VEZT: variants seen among roughly 807,000 people sequenced by gnomAD.
VEZT encodes the protein vezatin.
VEZT carries 39 observed loss-of-function variants against 79.9 expected under a neutral mutation model. That is an observed-to-expected ratio of 0.49 (90% confidence interval 0.38 to 0.64). The LOEUF is 0.64. VEZT is among the 30% of genes least tolerant of loss of function. VEZT has a pLI of 0.00. For missense variants in VEZT, 837 were observed against 893.1 expected, an observed-to-expected ratio of 0.94 and a Z score of 0.80; for synonymous variants, 325 against 327.6, an observed-to-expected ratio of 0.99 and a Z score of 0.09.
chr12:95,255,470 C>T (rs1437986829), intron 2 of VEZT, among the ~76,000 whole-genome samples: 1 of 152,190 alleles, frequency 6.6e-6, no homozygotes, highest in Non-Finnish European at 1.5e-5. Context: ...CTCGCGCTGT[C>T]GCCCAGCCTT....
chr12:95,217,904 G>T lies in VEZT; in HGVS notation c.36+18G>T. 6.6e-7 allele frequency: 1 copy of T among 1,505,776 alleles called. No homozygotes were observed. Among genetic ancestry groups the T allele is most frequent in the Middle Eastern group, 1.7e-4 (1 of 5,736 alleles). 93.3% of individuals were successfully genotyped at this position (1,505,776 alleles called of 1,614,324 possible). On this transcript the variant is annotated intron_variant, in intron 1 of 11. Coordinates refer to ENST00000436874, the MANE Select transcript of VEZT (RefSeq NM_017599.4). ...TTTTTGAGGTAAGAGGAAAATGGCG[G>T]TGGGTGTGGATTGCCTTTGTTTGAG...
chr12:95,298,515 C>G (rs993913445), intron 11 of VEZT, among the ~76,000 whole-genome samples: 1 of 152,068 alleles, frequency 6.6e-6, no homozygotes, highest in African/African-American at 2.4e-5. Context: ...AAATAGGGGC[C>G]TTATTATCCC....
At chr12:95,288,424 C>T (rs563517048) in intron 9 of VEZT, among the ~76,000 whole-genome samples, 84 of 152,122 alleles carry the variant, frequency 5.5e-4, no homozygotes, top group African/African-American at 2.0e-3. Context: ...TATGTGACTC[C>T]GATTTTATGC....
intron 1 of VEZT, chr12:95,245,441 T>C (rs2061587954): frequency 2.2e-6 from 1 of 452,262 alleles, no homozygotes; most frequent in African/African-American, 2.0e-5. Context: ...GAAAGCTTGA[T>C]GAACCGTGGT....
intron 2 of VEZT, among the ~76,000 whole-genome samples, chr12:95,256,003 A>C (rs1311790244): frequency 2.0e-5 from 3 of 151,788 alleles, no homozygotes; most frequent in African/African-American, 7.3e-5. Context: ...TCCCCATGAC[A>C]TGTGCTTTAA....
chr12:95,256,804 A>G (rs1162498707), intron 2 of VEZT, among the ~76,000 whole-genome samples: 1 of 152,216 alleles, frequency 6.6e-6, no homozygotes, highest in South Asian at 2.1e-4. Context: ...TCATGTTGAC[A>G]TAGTACATAG....
intron 1 of VEZT, among the ~76,000 whole-genome samples, chr12:95,232,407 C>A (rs1300999813): frequency 6.6e-6 from 1 of 152,156 alleles, no homozygotes; most frequent in East Asian, 1.9e-4. Flanking sequence ...GGAAAAGTTA[C>A]GTATAACTTG....
At chr12:95,278,486 A>G (rs1024383398) in intron 7 of VEZT, among the ~76,000 whole-genome samples, 6 of 152,226 alleles carry the variant, frequency 3.9e-5, no homozygotes, top group African/African-American at 1.2e-4. Flanking sequence ...CAAACTGTTG[A>G]AAACCCCTGT....
At chr12:95,281,550 AT>A (rs35223035) in intron 7 of VEZT, among the ~76,000 whole-genome samples, 66,915 of 145,174 alleles carry the variant, frequency 0.46, 15,219 homozygotes, top group African/African-American at 0.53. Context: ...TGGAGTATTG[AT>A]TTTTTTTTTT....
At chr12:95,224,644 T>C (rs1037215885) in intron 1 of VEZT, among the ~76,000 whole-genome samples, 2 of 152,238 alleles carry the variant, frequency 1.3e-5, no homozygotes, top group African/African-American at 4.8e-5. Flanking sequence ...AGGCCTTCTT[T>C]TGAAGAGCTG....
chr12:95,284,096 C>T (rs535639031), intron 8 of VEZT, among the ~76,000 whole-genome samples: 1 of 152,092 alleles, frequency 6.6e-6, no homozygotes, highest in Non-Finnish European at 1.5e-5. Flanking sequence ...AAAAGAGGAG[C>T]TTTGTACCAT....
chr12:95,266,892 A>C (rs1226957263), intron 5 of VEZT, among the ~76,000 whole-genome samples: 1 of 152,188 alleles, frequency 6.6e-6, no homozygotes, highest in Non-Finnish European at 1.5e-5. Flanking sequence ...GTATGTTACC[A>C]TGTGATTATA....
intron 2 of VEZT, among the ~76,000 whole-genome samples, chr12:95,255,525 G>A (rs1174707623): frequency 1.3e-5 from 2 of 152,104 alleles, no homozygotes; most frequent in African/African-American, 2.4e-5. Flanking sequence ...TCCACCTCCC[G>A]GGTGCAAGCG....
Position 95,302,499 on chromosome 12 carries a change from T to C in VEZT, c.*1826T>C, listed in dbSNP as rs992838935. 3.9e-5 allele frequency: 6 copies of C among 152,188 alleles called. No homozygotes were observed. The highest frequency in any genetic ancestry group is 7.4e-5 in the Non-Finnish European group (5 of 68,024). The allele number at this position is 152,188 out of a possible 1,614,324, so 9.4% of individuals were successfully genotyped here. On this transcript the variant is annotated 3_prime_UTR_variant, in exon 12 of 12. Transcript: ENST00000436874. ...ACTTGTTGAAATTATGACATAAAGA[T>C]CTTGCAGCTTTATTTGAGTATTTGT...
intron 1 of VEZT, chr12:95,243,815 A>G: frequency 2.7e-6 from 1 of 363,650 alleles, no homozygotes; most frequent in Non-Finnish European, 5.5e-6. Context: ...TCAAAACTGA[A>G]TTAGTTCTCT....
rs768043373 is a variant in VEZT at position 95,287,756 on chromosome 12, A to C, written c.1421A>C (p.Lys474Thr). ...GAGGCTTATCCCATCCTAGAACAGA[A>C]ATTAAAGTTGATTCAGCCCCACGTT... ...VSEAYPILEQ[K>T]LKLIQPHVQA... The change falls in exon 9 of 12, where the codon AAA becomes ACA. Residue 474 changes from lysine (K) to threonine (T), a missense_variant. Physicochemically the swap from Lys to Thr is moderately conservative, Grantham distance 78. Coordinates refer to ENST00000436874, the MANE Select transcript of VEZT (RefSeq NM_017599.4). 3 of 1,606,122 alleles carry C rather than the reference A, an allele frequency of 1.9e-6. No homozygotes were observed. The African/African-American group carries it at 4.0e-5, about 21-fold the overall frequency.
At chr12:95,230,423 CTT>C (rs35895570) in intron 1 of VEZT, among the ~76,000 whole-genome samples, 55 of 138,822 alleles carry the variant, frequency 4.0e-4, no homozygotes, top group African/African-American at 1.1e-3. Context: ...CTTTTTCTTT[CTT>C]TTTTTTTTTT....
chr12:95,291,072 T>C lies in VEZT; in HGVS notation c.1523-3200T>C, dbSNP rs1221035137. Among the ~76,000 whole-genome samples the C allele has an allele frequency of 3.3e-5, 5 of 152,130 alleles. No individual in the cohort carries two copies. The Middle Eastern group carries it at 0.014, about 414-fold the overall frequency. On this transcript the variant is annotated intron_variant, in intron 9 of 11. Coordinates refer to ENST00000436874, the MANE Select transcript of VEZT (RefSeq NM_017599.4). Reference sequence around the variant, plus strand: ...TTGAAACCAGTAGTTTGAGACCAGCTTGGGCAATATGGCAAAACCCCATCT... The same window carrying C: ...TTGAAACCAGTAGTTTGAGACCAGCCTGGGCAATATGGCAAAACCCCATCT...
chr12:95,250,317 T>C (rs183973627), intron 1 of VEZT, among the ~76,000 whole-genome samples: 1 of 149,050 alleles, frequency 6.7e-6, no homozygotes, highest in East Asian at 1.9e-4. Flanking sequence ...TTTTTTTTTT[T>C]TGTGAGACAA....
Sources: gnomAD v4.1 joint callset for allele counts (sites outside exome capture counted in the v4.1 genomes callset) on GRCh38, gnomAD v4.1.1 for gene constraint, MANE v1.5 for transcripts, NCBI Gene and HGNC (gene_info 2026-07-23, HGNC 2026-07-21) for gene names.